TCERG1L: variants seen among roughly 807,000 people sequenced by gnomAD.
TCERG1L encodes transcription elongation regulator 1 like.
Under a neutral mutation model 56.3 loss-of-function variants are expected in TCERG1L, and 37 were observed. The ratio of observed to expected loss-of-function variants is 0.66; its 90% CI spans 0.51 to 0.87. The LOEUF (loss-of-function observed/expected upper bound fraction) is 0.87, where lower values mean the gene tolerates loss of function less well. Ranked by LOEUF, TCERG1L falls within the 40% of genes least tolerant of loss-of-function variation. The pLI is 0.00. For synonymous variants in TCERG1L, 324 were observed against 326.3 expected, an observed-to-expected ratio of 0.99 and a Z score of 0.08; for missense variants, 799 against 774.2, an observed-to-expected ratio of 1.03 and a Z score of -0.38.
chr10:131,102,611 C>T (rs1046479547), intron 10 of TCERG1L, among the ~76,000 whole-genome samples: 2 of 152,166 alleles, frequency 1.3e-5, no homozygotes, highest in African/African-American at 4.8e-5. Context: ...TCACAGAACC[C>T]CTCCTCCCCT....
intron 8 of TCERG1L, among the ~76,000 whole-genome samples, chr10:131,124,657 C>T (rs567293678): frequency 6.3e-5 from 8 of 126,636 alleles, no homozygotes; most frequent in South Asian, 5.2e-4. Flanking sequence ...GGCTCATCAT[C>T]GCTGCCTGTC....
intron 4 of TCERG1L, among the ~76,000 whole-genome samples, chr10:131,172,224 C>T (rs1041565588): frequency 5.3e-5 from 8 of 151,910 alleles, no homozygotes; most frequent in Admixed American, 1.3e-4. Flanking sequence ...GTTTCCTGCC[C>T]GGGGAGGAGG....
At chr10:131,148,469 C>T (rs926721927) in intron 6 of TCERG1L, among the ~76,000 whole-genome samples, 2 of 141,476 alleles carry the variant, frequency 1.4e-5, no homozygotes, top group Admixed American at 1.4e-4. Context: ...CACACAGACA[C>T]ATACACAGAC....
At chr10:131,256,197 C>A (rs917012497) in intron 4 of TCERG1L, among the ~76,000 whole-genome samples, 1 of 152,118 alleles carries the variant, frequency 6.6e-6, no homozygotes, top group Non-Finnish European at 1.5e-5. Context: ...ACCTTATTCC[C>A]AAATGTCTGA....
At chr10:131,307,881 T>C (rs1464885228) in intron 3 of TCERG1L, among the ~76,000 whole-genome samples, 1 of 150,878 alleles carries the variant, frequency 6.6e-6, no homozygotes, top group South Asian at 2.1e-4. Context: ...TTTTAAAGAG[T>C]AGACTGATCA....
At chr10:131,257,284 G>A (rs1172926630) in intron 4 of TCERG1L, among the ~76,000 whole-genome samples, 9 of 152,238 alleles carry the variant, frequency 5.9e-5, no homozygotes, top group Non-Finnish European at 2.9e-5. Flanking sequence ...CGGACACAAA[G>A]GACACCCCAT....
At chr10:131,250,252 C>A (rs1403732094) in intron 4 of TCERG1L, among the ~76,000 whole-genome samples, 3 of 152,206 alleles carry the variant, frequency 2.0e-5, no homozygotes, top group Non-Finnish European at 2.9e-5. Flanking sequence ...GGGTCATAAT[C>A]TTAAAGAAGT....
rs1407978043 is a variant in TCERG1L, at chr10:131,093,075, C to T, written c.*87G>A. Reference sequence around the variant, plus strand: ...CTGGGCCGTGCAGGTCTCGGCCGCCCCACGCCCGTGTCCGTCTCCACCGTG... The same window carrying T: ...CTGGGCCGTGCAGGTCTCGGCCGCCTCACGCCCGTGTCCGTCTCCACCGTG... On this transcript the variant is annotated 3_prime_UTR_variant, in exon 12 of 12. Coordinates refer to ENST00000368642, the MANE Select transcript of TCERG1L (RefSeq NM_174937.4). The T allele has an allele frequency of 6.8e-7, 1 of 1,477,506 alleles. No homozygotes were observed. Among genetic ancestry groups the T allele is most frequent in the South Asian group, 1.3e-5 (1 of 76,844 alleles). 91.5% of individuals were successfully genotyped at this position (1,477,506 alleles called of 1,614,324 possible).
At position 131,160,493 on chromosome 10, in the gene TCERG1L, C is replaced by T. The variant is rs115247483; in HGVS notation, c.1034+2629G>A. Among the ~76,000 whole-genome samples the T allele has an allele frequency of 6.8e-3, 1,033 of 152,290 alleles. 18 individuals carry two copies. Among genetic ancestry groups the T allele is most frequent in the African/African-American group, 0.023 (964 of 41,546 alleles). ...ACCACAGCCACCCTTACCTCCCATGCCCAGCACCCGCCATTCATTCCCTCA... is the reference window on the plus strand; with the variant it reads ...ACCACAGCCACCCTTACCTCCCATGTCCAGCACCCGCCATTCATTCCCTCA... On this transcript the variant is annotated intron_variant, in intron 6 of 11. Coordinates refer to ENST00000368642, the MANE Select transcript of TCERG1L (RefSeq NM_174937.4).
intron 3 of TCERG1L, among the ~76,000 whole-genome samples, chr10:131,306,751 C>T (rs1846822070): frequency 6.6e-6 from 1 of 152,092 alleles, no homozygotes; most frequent in Admixed American, 6.6e-5. Context: ...TGAAGTATTG[C>T]ATATTTGCCA....
chr10:131,284,642 T>C (rs956216932), intron 3 of TCERG1L, among the ~76,000 whole-genome samples: 4 of 151,220 alleles, frequency 2.6e-5, no homozygotes, highest in Non-Finnish European at 5.9e-5. Flanking sequence ...AAACCTCTAG[T>C]GGAAATGAAC....
At chr10:131,123,693 G>A (rs1406255967) in intron 8 of TCERG1L, among the ~76,000 whole-genome samples, 1 of 152,064 alleles carries the variant, frequency 6.6e-6, no homozygotes, top group Non-Finnish European at 1.5e-5. Context: ...TCGCTTCTCT[G>A]CTTGCCCGGC....
rs1846172871 is a variant in TCERG1L at position 131,256,992 on chromosome 10, G to GAAAGAAGGAAAGAAA, written c.856+3266_856+3267insTTTCTTTCCTTCTTT. Among the ~76,000 whole-genome samples, 76 of 59,212 alleles carry GAAAGAAGGAAAGAAA rather than the reference G, an allele frequency of 1.3e-3. 1 individual carries two copies. The highest frequency in any genetic ancestry group is 4.1e-3 in the African/African-American group (74 of 18,142). The allele number at this position is 59,212 out of a possible 152,430, so 38.8% of individuals were successfully genotyped here. A position where few individuals can be genotyped will look rare whatever the true frequency, so the allele number is the denominator to read the frequency against. On this transcript the variant is annotated intron_variant, in intron 4 of 11. Coordinates refer to ENST00000368642, the MANE Select transcript of TCERG1L (RefSeq NM_174937.4). The stretch of plus-strand genomic sequence containing the variant: ...AGGAAGGAAGGAAGGAAGGAAGGAA[G>GAAAGAAGGAAAGAAA]GAAAGAAAGAAAGAAAGAAAGAAAG...
At position 131,265,273 on chromosome 10, in the gene TCERG1L, T is replaced by C. The variant is rs192430408; in HGVS notation, c.671-4829A>G. On this transcript the variant is annotated intron_variant, in intron 3 of 11. Transcript: ENST00000368642. ...TAAACAGAAAAATAAATAAGGAAAC[T>C]TTCTTATCTGTCTCTTTAAGAAAAA... Among the ~76,000 whole-genome samples the C allele has an allele frequency of 8.2e-4, 125 of 152,320 alleles. 1 individual carries two copies. In the Middle Eastern group the frequency reaches 0.014, roughly 17 times the overall value.
chr10:131,309,055 G>T, intron 2 of TCERG1L, 98 bp downstream of exon 2: 2 of 1,405,258 alleles, frequency 1.4e-6, no homozygotes, highest in Non-Finnish European at 9.5e-7. Flanking sequence ...CCAATTTATG[G>T]CAACAAGAAA....
intron 3 of TCERG1L, among the ~76,000 whole-genome samples, chr10:131,268,127 C>T (rs1047655701): frequency 6.6e-6 from 1 of 152,134 alleles, no homozygotes; most frequent in African/African-American, 2.4e-5. Context: ...TGAGCAGCTG[C>T]AGTGGTGCCC....
At chr10:131,191,303 T>C (rs768697974) in intron 4 of TCERG1L, among the ~76,000 whole-genome samples, 1 of 144,028 alleles carries the variant, frequency 6.9e-6, no homozygotes, top group Non-Finnish European at 1.5e-5. Flanking sequence ...ATGACCATAC[T>C]GCCAAAAGCA....
Position 131,294,979 on chromosome 10 carries a change from G to A in TCERG1L, c.670+13232C>T, listed in dbSNP as rs116089755. Among the ~76,000 whole-genome samples the A allele has an allele frequency of 6.8e-3, 1,037 of 152,084 alleles. 14 individuals carry two copies. Among genetic ancestry groups the A allele is most frequent in the African/African-American group, 0.024 (995 of 41,492 alleles). Reference sequence around the variant, plus strand: ...CAAACCTGCCCTCTGACCTGTTGTTGTCAAAACCCTTGTCCCACCCCCACC... The same window carrying A: ...CAAACCTGCCCTCTGACCTGTTGTTATCAAAACCCTTGTCCCACCCCCACC... On this transcript the variant is annotated intron_variant, in intron 3 of 11. Transcript: ENST00000368642.
intron 4 of TCERG1L, among the ~76,000 whole-genome samples, chr10:131,195,824 G>C (rs528012803): frequency 6.6e-6 from 1 of 152,232 alleles, no homozygotes; most frequent in Non-Finnish European, 1.5e-5. Context: ...CTTCTGGGTG[G>C]AGACCACGCT....
Sources: allele counts gnomAD v4.1 joint callset (sites outside exome capture counted in the v4.1 genomes callset), GRCh38; gene constraint gnomAD v4.1.1; transcripts MANE v1.5; gene names NCBI Gene and HGNC (gene_info 2026-07-23, HGNC 2026-07-21).